The following CDH17 variants were observed in gnomAD, a reference collection of about 807,000 sequenced individuals.
CDH17 encodes the protein cadherin-17.
In CDH17, 67 loss-of-function variants were observed where a neutral mutation model predicts 86.3. The observed-to-expected ratio is 0.78, with a 90% CI of 0.64 to 0.95. The LOEUF (loss-of-function observed/expected upper bound fraction) is 0.95. Among genes scored for constraint, CDH17 ranks in the 40% least tolerant of loss-of-function variants. The probability of loss-of-function intolerance (pLI) is 0.00; values close to 1 mark genes in which losing one functional copy is unlikely to be tolerated. For synonymous variants in CDH17, 367 were observed against 366.4 expected (o/e 1.00, Z -0.02); for missense variants, 993 against 1,017.6 (o/e 0.98, Z 0.33).
chr8:94,177,588 T>C lies in CDH17; in HGVS notation c.284A>G (p.Gln95Arg). Residue 95 changes from glutamine (Q) to arginine (R), a missense_variant and splice_region_variant, in exon 4 of 18, where the codon CAG (glutamine) becomes CGG (arginine). Transcript: ENST00000027335. ...DRETRSTHNLQVAALDANGII... is the reference protein window; with the variant it reads ...DRETRSTHNLRVAALDANGII... ...TCCCTTCAGCTGGTATCAATTTACC[T>C]GGAGATTGTGAGTAGATCTTGTTTC... is the stretch of plus-strand genomic sequence containing the variant. 2 of 1,613,700 alleles carry C rather than the reference T, an allele frequency of 1.2e-6. No individual in the cohort carries two copies. The highest frequency in any genetic ancestry group is 1.3e-5 in the African/African-American group (1 of 75,032).
rs202056184 is a variant in CDH17 at position 94,146,096 on chromosome 8, G to A, written c.1999C>T (p.Leu667=). 6.2e-7 allele frequency: 1 copy of A among 1,612,488 alleles called. No homozygotes were observed. Among genetic ancestry groups the A allele is most frequent in the Non-Finnish European group, 8.5e-7 (1 of 1,179,422 alleles). ...LMDVNDNPPR[L]AKDYTGLFFC... Reference sequence around the variant, plus strand: ...AACAAGCCCGTGTAGTCCTTGGCTAGCCTGGGAGGGTTGTCATTCACATCC... The same window carrying A: ...AACAAGCCCGTGTAGTCCTTGGCTAACCTGGGAGGGTTGTCATTCACATCC... The change falls in exon 15 of 18, where the codon CTA becomes TTA. Residue 667 remains leucine (L), a synonymous_variant. Coordinates refer to ENST00000027335, the MANE Select transcript of CDH17 (RefSeq NM_004063.4).
At chr8:94,190,762 C>T (rs565337093) in intron 2 of CDH17, among the ~76,000 whole-genome samples, 2 of 152,310 alleles carry the variant, frequency 1.3e-5, no homozygotes, top group South Asian at 4.1e-4. Flanking sequence ...AGAGCAAGCA[C>T]ACTCTTGCCA....
intron 13 of CDH17, 125 bp from the exon 14 acceptor site, chr8:94,148,999 A>T (rs1812807106): frequency 1.5e-6 from 1 of 659,516 alleles, no homozygotes; most frequent in Non-Finnish European, 2.4e-6. Context: ...TATACAAATG[A>T]TAATGCTGAG....
intron 16 of CDH17, 40 bp from the exon 17 acceptor site, chr8:94,130,779 G>A: frequency 6.5e-7 from 1 of 1,549,118 alleles, no homozygotes; most frequent in Non-Finnish European, 8.9e-7. Context: ...AAATTCTCAA[G>A]TGAATAGTTG....
At chr8:94,143,909 G>C (rs2514795) in intron 15 of CDH17, among the ~76,000 whole-genome samples, 14,585 of 152,094 alleles carry the variant, frequency 0.096, 771 homozygotes, top group Middle Eastern at 0.16. Context: ...AGGCTATTTT[G>C]CTTTTTTATT....
At chr8:94,182,650 T>A (rs1327593314) in intron 3 of CDH17, among the ~76,000 whole-genome samples, 2 of 152,086 alleles carry the variant, frequency 1.3e-5, no homozygotes, top group African/African-American at 4.8e-5. Context: ...GCCCCACAGC[T>A]AACATTGTAC....
chr8:94,153,548 C>T (rs1812894255), intron 12 of CDH17, among the ~76,000 whole-genome samples: 2 of 152,178 alleles, frequency 1.3e-5, no homozygotes, highest in South Asian at 4.1e-4. Flanking sequence ...ATCTGCACTC[C>T]TATGTTCCCT....
chr8:94,135,351 T>C (rs561886006), intron 15 of CDH17, among the ~76,000 whole-genome samples: 21 of 152,344 alleles, frequency 1.4e-4, no homozygotes, highest in African/African-American at 4.3e-4. Flanking sequence ...CTGTATTAGG[T>C]GCATATATAT....
chr8:94,185,276 T>TATAC lies in CDH17; in HGVS notation c.150+3910_150+3911insGTAT, dbSNP rs938570428. On this transcript the variant is annotated intron_variant, in intron 3 of 17. Coordinates refer to ENST00000027335, the MANE Select transcript of CDH17 (RefSeq NM_004063.4). Reference sequence around the variant, plus strand: ...ATCCCAACCCCACACCCTACCCCAATACACACACACACACACACACACACA... The same window carrying TATAC: ...ATCCCAACCCCACACCCTACCCCAATATACACACACACACACACACACACACACA... Among the ~76,000 whole-genome samples, 578 of 136,864 alleles carry TATAC rather than the reference T, an allele frequency of 4.2e-3. 5 individuals are homozygous for TATAC. Among genetic ancestry groups the TATAC allele is most frequent in the African/African-American group, 0.014 (547 of 38,108 alleles). The allele number at this position is 136,864 out of a possible 152,430, so 89.8% of individuals were successfully genotyped here. A position where few individuals can be genotyped will look rare whatever the true frequency, so the allele number is the denominator to read the frequency against.
chr8:94,200,532 C>CTT (rs1387182561), intron 1 of CDH17, among the ~76,000 whole-genome samples: 1,066 of 50,126 alleles, frequency 0.021, 149 homozygotes, highest in Middle Eastern at 0.033. Context: ...TTATTATTAT[C>CTT]TTTTGTTTTT....
chr8:94,182,168 G>T (rs1813498169), intron 3 of CDH17, among the ~76,000 whole-genome samples: 1 of 152,074 alleles, frequency 6.6e-6, no homozygotes, highest in Admixed American at 6.5e-5. Flanking sequence ...CCCAGAACCA[G>T]ATGGCTTCAC....
At chr8:94,195,430 A>G (rs1813764898) in intron 1 of CDH17, among the ~76,000 whole-genome samples, 1 of 152,224 alleles carries the variant, frequency 6.6e-6, no homozygotes, top group African/African-American at 2.4e-5. Context: ...AATGCTCACA[A>G]TTCTTCATTC....
chr8:94,181,305 GAACAATACTATA>G (rs1452949541), intron 3 of CDH17, among the ~76,000 whole-genome samples: 4 of 152,032 alleles, frequency 2.6e-5, no homozygotes, highest in African/African-American at 9.7e-5. Context: ...CAGAAGACTT[GAACAATACTATA>G]AACCAATTAG....
At chr8:94,200,547 T>C (rs1172602462) in intron 1 of CDH17, among the ~76,000 whole-genome samples, 1 of 142,024 alleles carries the variant, frequency 7.0e-6, no homozygotes, top group African/African-American at 2.6e-5. Flanking sequence ...GTTTTTTTTT[T>C]TTTTTTTTTT....
At chr8:94,145,758 G>A (rs1048233932) in intron 15 of CDH17, among the ~76,000 whole-genome samples, 170 bp downstream of exon 15, 2 of 152,114 alleles carry the variant, frequency 1.3e-5, no homozygotes. Context: ...TTGAAATCCT[G>A]GGGCTTTTTC....
rs139203124 is a variant in CDH17, at chr8:94,148,854, G to T, written c.1817C>A (p.Thr606Lys). ...GTGGTCAATTTTAAGCCAACCTCTTGTGTCTCCCCTCAGTGAATAGCTTCA... is the reference window on the plus strand; with the variant it reads ...GTGGTCAATTTTAAGCCAACCTCTTTTGTCTCCCCTCAGTGAATAGCTTCA... ...LDISYSLRGDTRGWLKIDHVT... is the reference protein window; with the variant it reads ...LDISYSLRGDKRGWLKIDHVT... Residue 606 changes from threonine (T) to lysine (K), a missense_variant, in exon 14 of 18, where the codon ACA (threonine) becomes AAA (lysine). Physicochemically the swap from Thr to Lys is moderately conservative, Grantham distance 78. Transcript: ENST00000027335. The T allele has an allele frequency of 9.6e-5, 154 of 1,608,932 alleles. No homozygotes were observed. In the African/African-American group the frequency reaches 1.7e-3, roughly 18 times the overall value.
intron 12 of CDH17, among the ~76,000 whole-genome samples, chr8:94,153,139 T>TA (rs1220609677): frequency 6.6e-6 from 1 of 152,044 alleles, no homozygotes; most frequent in Non-Finnish European, 1.5e-5. Flanking sequence ...AGGATTAATA[T>TA]AAAAAATTTA....
chr8:94,175,498 T>C (rs1265354809), intron 5 of CDH17, among the ~76,000 whole-genome samples: 4 of 152,168 alleles, frequency 2.6e-5, no homozygotes, highest in Non-Finnish European at 5.9e-5. Context: ...TTAGTATTAT[T>C]TTAAATGAAT....
chr8:94,168,857 T>C (rs182801280), intron 9 of CDH17, among the ~76,000 whole-genome samples: 2 of 152,254 alleles, frequency 1.3e-5, no homozygotes, highest in Admixed American at 1.3e-4. Context: ...TTGTTTCTAA[T>C]GGCAAAAGTG....
Sources: allele counts gnomAD v4.1 joint callset (sites outside exome capture counted in the v4.1 genomes callset), GRCh38; gene constraint gnomAD v4.1.1; transcripts MANE v1.5; gene names NCBI Gene and HGNC (gene_info 2026-07-23, HGNC 2026-07-21).